PXT1: variants seen among roughly 807,000 people sequenced by gnomAD.
PXT1 encodes peroxisomal testis enriched protein 1.
PXT1 carries 11 observed loss-of-function variants against 11.0 expected under a neutral mutation model. That is an observed-to-expected ratio of 1.00 (90% CI 0.63 to 1.66). The LOEUF (loss-of-function observed/expected upper bound fraction) is 1.66, where lower values mean the gene tolerates loss of function less well. PXT1 is among the 40% of genes most tolerant of loss of function. The pLI is 0.00. For synonymous variants in PXT1, 43 were observed against 51.4 expected (o/e 0.84, Z 0.70); for missense variants, 141 against 155.5 (o/e 0.91, Z 0.49).
intron 1 of PXT1, among the ~76,000 whole-genome samples, chr6:36,439,323 A>G (rs536750397): frequency 1.3e-5 from 2 of 151,422 alleles, no homozygotes; most frequent in South Asian, 2.1e-4. Context: ...TAAAACTCAT[A>G]TAAGGTGGCT....
rs946083735 is a variant in PXT1, at chr6:36,400,601, G to C, written c.170-17C>G. ...GATTATGATCTGCATTGAGAAAAAAGAGTTCAAAAGAGATAATCCCACTTA... is the reference window on the plus strand; with the variant it reads ...GATTATGATCTGCATTGAGAAAAAACAGTTCAAAAGAGATAATCCCACTTA... On this transcript the variant is annotated splice_polypyrimidine_tract_variant and intron_variant, in intron 3 of 4. Transcript: ENST00000454782. The C allele has an allele frequency of 6.2e-7, 1 of 1,605,760 alleles. No individual in the cohort carries two copies. The highest frequency in any genetic ancestry group is 8.5e-7 in the Non-Finnish European group (1 of 1,177,048).
chr6:36,394,668 G>A (rs926992864), intron 4 of PXT1, among the ~76,000 whole-genome samples: 1 of 150,504 alleles, frequency 6.6e-6, no homozygotes, highest in Non-Finnish European at 1.5e-5. Context: ...AAAGTGATGA[G>A]AAGCCTAACT....
At chr6:36,418,056 C>T (rs1308110254) in intron 3 of PXT1, among the ~76,000 whole-genome samples, 1 of 151,922 alleles carries the variant, frequency 6.6e-6, no homozygotes, top group Admixed American at 6.6e-5. Context: ...ATTAGCCGGG[C>T]GTGGTGGCGG....
chr6:36,438,475 G>A (rs1259577212), intron 2 of PXT1, among the ~76,000 whole-genome samples: 1 of 152,132 alleles, frequency 6.6e-6, no homozygotes, highest in Non-Finnish European at 1.5e-5. Flanking sequence ...CCAGGCTGGA[G>A]TGCAGTGGCG....
At position 36,433,716 on chromosome 6, in the gene PXT1, TCGGGAGGCTGAGG is replaced by T. The variant is rs1774725162; in HGVS notation, c.-10+5038_-10+5050del. Reference sequence around the variant, plus strand: ...GGCAGGCACCTGTAGTCTCAGCTTCTCGGGAGGCTGAGGCAGGAGAATGGCATGAACCTGGGAG... The same window carrying T: ...GGCAGGCACCTGTAGTCTCAGCTTCTCAGGAGAATGGCATGAACCTGGGAG... On this transcript the variant is annotated intron_variant, in intron 2 of 4. Coordinates refer to ENST00000454782, the MANE Select transcript of PXT1 (RefSeq NM_152990.4). Among the ~76,000 whole-genome samples, 14 of 150,018 alleles carry T rather than the reference TCGGGAGGCTGAGG, an allele frequency of 9.3e-5. No homozygotes were observed. The South Asian group carries it at 2.7e-3, about 29-fold the overall frequency.
At chr6:36,429,885 A>G (rs574689160) in intron 2 of PXT1, among the ~76,000 whole-genome samples, 1 of 152,062 alleles carries the variant, frequency 6.6e-6, no homozygotes, top group African/African-American at 2.4e-5. Flanking sequence ...GTTCTGATAT[A>G]AAGCTTAAAA....
At chr6:36,409,172 G>A (rs943799213) in intron 3 of PXT1, among the ~76,000 whole-genome samples, 1 of 152,044 alleles carries the variant, frequency 6.6e-6, no homozygotes, top group African/African-American at 2.4e-5. Context: ...CACAAGCATT[G>A]GCTTCTCCAT....
chr6:36,412,852 T>C, intron 3 of PXT1, among the ~76,000 whole-genome samples: 1 of 151,420 alleles, frequency 6.6e-6, no homozygotes, highest in Non-Finnish European at 1.5e-5. Flanking sequence ...ATCTTTCAGA[T>C]TTAAAAAATA....
chr6:36,408,717 A>T (rs1463337789), intron 3 of PXT1, among the ~76,000 whole-genome samples: 2 of 150,962 alleles, frequency 1.3e-5, no homozygotes, highest in Non-Finnish European at 2.9e-5. Context: ...AAAAAAAAAA[A>T]AAAAAAAAAT....
intron 3 of PXT1, 107 bp downstream of exon 3, chr6:36,425,805 AAT>A (rs148236984): frequency 0.024 from 8,048 of 330,290 alleles, 19 homozygotes; most frequent in Middle Eastern, 0.037. Flanking sequence ...AAAAACAAAA[AAT>A]ATATATATAT....
chr6:36,434,111 A>C (rs1774731290), intron 2 of PXT1, among the ~76,000 whole-genome samples: 1 of 151,054 alleles, frequency 6.6e-6, no homozygotes, highest in South Asian at 2.1e-4. Flanking sequence ...CACTGCAGTG[A>C]GCTATGATCA....
chr6:36,410,111 T>C (rs1487657401), intron 3 of PXT1, among the ~76,000 whole-genome samples: 1 of 138,098 alleles, frequency 7.2e-6, no homozygotes, highest in African/African-American at 2.8e-5. Context: ...TCACCTGAGG[T>C]CGGGAGTTCG....
chr6:36,407,607 T>C (rs1295005741), intron 3 of PXT1, among the ~76,000 whole-genome samples: 2 of 151,916 alleles, frequency 1.3e-5, no homozygotes, highest in African/African-American at 4.8e-5. Flanking sequence ...TGGAGTCTCA[T>C]GTTGCCCAGG....
In PXT1 at chr6:36,426,355, C is replaced by CTT. The variant is rs751410377; in HGVS notation, c.-9-266_-9-265dup. Reference sequence around the variant, plus strand: ...ATTAGTCTTTCTTCTCTCTCTCTCGCTTTTTTTTTTTTTTTTTTTTTTTTT... The same window carrying CTT: ...ATTAGTCTTTCTTCTCTCTCTCTCGCTTTTTTTTTTTTTTTTTTTTTTTTTTT... On this transcript the variant is annotated intron_variant, in intron 2 of 4. Coordinates refer to ENST00000454782, the MANE Select transcript of PXT1 (RefSeq NM_152990.4). Among the ~76,000 whole-genome samples, 389 of 76,798 alleles carry CTT rather than the reference C, an allele frequency of 5.1e-3. 30 individuals are homozygous for CTT. Among genetic ancestry groups the CTT allele is most frequent in the Non-Finnish European group, 5.7e-3 (239 of 41,796 alleles). 50.4% of individuals were successfully genotyped at this position (76,798 alleles called of 152,430 possible). A position where few individuals can be genotyped will look rare whatever the true frequency, so the allele number is the denominator to read the frequency against.
intron 3 of PXT1, among the ~76,000 whole-genome samples, chr6:36,412,867 C>T (rs6457915): frequency 0.81 from 121,118 of 150,444 alleles, 48,982 homozygotes; most frequent in African/African-American, 0.86. Context: ...AAAATATGAT[C>T]GCCAAAATTA....
At chr6:36,423,343 G>A (rs1774550019) in intron 3 of PXT1, among the ~76,000 whole-genome samples, 1 of 152,262 alleles carries the variant, frequency 6.6e-6, no homozygotes, top group Non-Finnish European at 1.5e-5. Flanking sequence ...CACTTTAGCT[G>A]GGCGCGCGAC....
At chr6:36,425,800 C>CAAAAACAAACAAACAAAAA (rs1433662209) in intron 3 of PXT1, 114 bp downstream of exon 3, 144 of 216,666 alleles carry the variant, frequency 6.6e-4, no homozygotes, top group African/African-American at 4.6e-3. Flanking sequence ...AAAACAAAAA[C>CAAAAACAAACAAACAAAAA]AAAAAATATA....
chr6:36,421,204 C>T (rs1014502552), intron 3 of PXT1, among the ~76,000 whole-genome samples: 23 of 151,982 alleles, frequency 1.5e-4, no homozygotes, highest in African/African-American at 5.1e-4. Context: ...GTGTGGCTGA[C>T]GCCTGTAACC....
intron 3 of PXT1, among the ~76,000 whole-genome samples, chr6:36,409,869 A>AG (rs1561927849): frequency 6.9e-5 from 6 of 86,514 alleles, no homozygotes; most frequent in Non-Finnish European, 1.3e-4. Context: ...AAGGAGAAAG[A>AG]AAAGAAAAGA....
Sources: gnomAD v4.1 joint callset for allele counts (sites outside exome capture counted in the v4.1 genomes callset) on GRCh38, gnomAD v4.1.1 for gene constraint, MANE v1.5 for transcripts, NCBI Gene and HGNC (gene_info 2026-07-23, HGNC 2026-07-21) for gene names.